PAPPA2: variants seen among roughly 807,000 people sequenced by gnomAD.
PAPPA2 encodes the protein pappalysin 2, also known as pappalysin-2.
In PAPPA2, 86 loss-of-function variants were observed where a neutral mutation model predicts 176.4. The observed-to-expected ratio is 0.49, with a 90% CI of 0.41 to 0.58. PAPPA2 has a LOEUF of 0.58. PAPPA2 is among the 20% of genes least tolerant of loss of function. The pLI, the probability that PAPPA2 is intolerant of heterozygous loss-of-function variation, is 0.00. For missense variants in PAPPA2, 2,073 were observed against 2,256.9 expected, an observed-to-expected ratio of 0.92 and a Z score of 1.65; for synonymous variants, 809 against 852.2, an observed-to-expected ratio of 0.95 and a Z score of 0.88.
chr1:176,567,137 A>G (rs1361493457), intron 2 of PAPPA2, among the ~76,000 whole-genome samples: 2 of 152,152 alleles, frequency 1.3e-5, no homozygotes, highest in African/African-American at 4.8e-5. Flanking sequence ...TTTCTTTCCC[A>G]TGTTTACTAC....
chr1:176,747,436 G>A (rs1662962125), intron 14 of PAPPA2, among the ~76,000 whole-genome samples: 1 of 152,132 alleles, frequency 6.6e-6, no homozygotes. Context: ...GCACAACCCA[G>A]AGGATTTGAA....
At chr1:176,838,090 G>A (rs1021160454) in intron 21 of PAPPA2, among the ~76,000 whole-genome samples, 2 of 152,116 alleles carry the variant, frequency 1.3e-5, no homozygotes, top group Admixed American at 1.3e-4. Context: ...AGAAAAGAAG[G>A]AGCTTTTAGA....
chr1:176,708,831 G>A (rs17354671), intron 10 of PAPPA2, among the ~76,000 whole-genome samples: 74,239 of 151,952 alleles, frequency 0.49, 20,035 homozygotes, highest in African/African-American at 0.71. Context: ...TGAACATGAA[G>A]AAAAGGAAAT....
intron 2 of PAPPA2, among the ~76,000 whole-genome samples, chr1:176,563,319 C>T (rs1412743145): frequency 3.9e-5 from 6 of 152,148 alleles, no homozygotes; most frequent in Non-Finnish European, 7.3e-5. Context: ...ACAGGGCTCC[C>T]TTTCCACCTT....
At chr1:176,768,891 A>G (rs1044067085) in intron 15 of PAPPA2, among the ~76,000 whole-genome samples, 1 of 152,230 alleles carries the variant, frequency 6.6e-6, no homozygotes, top group African/African-American at 2.4e-5. Flanking sequence ...CAGTAGCATT[A>G]TCAGCTGGCT....
At chr1:176,692,058 A>G in intron 5 of PAPPA2, 68 bp from the exon 6 acceptor site, 3 of 1,449,534 alleles carry the variant, frequency 2.1e-6, no homozygotes, top group South Asian at 2.5e-5. Context: ...ACACAAATTT[A>G]TCCCTGCCTT....
At chr1:176,710,942 A>ACTG (rs1661114298) in intron 11 of PAPPA2, among the ~76,000 whole-genome samples, 1 of 152,118 alleles carries the variant, frequency 6.6e-6, no homozygotes, top group South Asian at 2.1e-4. Context: ...CCTGCTCAAA[A>ACTG]CATGGCTGCA....
At chr1:176,586,368 G>A (rs1470128422) in intron 2 of PAPPA2, among the ~76,000 whole-genome samples, 1 of 152,080 alleles carries the variant, frequency 6.6e-6, no homozygotes, top group Non-Finnish European at 1.5e-5. Flanking sequence ...AGAATGTGCA[G>A]GTTTGTTACA....
intron 1 of PAPPA2, among the ~76,000 whole-genome samples, chr1:176,540,968 A>G (rs955025297): frequency 6.6e-6 from 1 of 152,198 alleles, no homozygotes; most frequent in Non-Finnish European, 1.5e-5. Flanking sequence ...GAGGCACATT[A>G]TGTGGCATTT....
Position 176,833,567 on chromosome 1 carries a change from G to C in PAPPA2, c.5203-6606G>C, listed in dbSNP as rs183227691. Among the ~76,000 whole-genome samples the C allele has an allele frequency of 5.5e-4, 84 of 152,220 alleles. 1 individual carries two copies. The East Asian group carries it at 0.011, about 20-fold the overall frequency. ...CTGGTTTACAGTTTCTTTGTTTTTG[G>C]CCTTTGGGAAATGTTCTTTTTCTTC... On this transcript the variant is annotated intron_variant, in intron 21 of 22. Transcript: ENST00000367662.
intron 3 of PAPPA2, among the ~76,000 whole-genome samples, chr1:176,618,342 C>T (rs1655393926): frequency 6.6e-6 from 1 of 152,158 alleles, no homozygotes; most frequent in Non-Finnish European, 1.5e-5. Context: ...AGATCTATGT[C>T]TTATTTTCAG....
intron 14 of PAPPA2, among the ~76,000 whole-genome samples, chr1:176,746,213 G>A (rs1662896811): frequency 6.6e-6 from 1 of 152,196 alleles, no homozygotes; most frequent in Non-Finnish European, 1.5e-5. Flanking sequence ...AGCTGGTAAA[G>A]AGAAATGTTT....
At chr1:176,683,468 A>G (rs778612287) in intron 4 of PAPPA2, among the ~76,000 whole-genome samples, 3 of 152,184 alleles carry the variant, frequency 2.0e-5, no homozygotes, top group Non-Finnish European at 4.4e-5. Context: ...ACATTCAGGT[A>G]TGCAAGAAAT....
chr1:176,624,436 C>T (rs1232650941), intron 3 of PAPPA2, among the ~76,000 whole-genome samples: 5 of 152,248 alleles, frequency 3.3e-5, no homozygotes, highest in South Asian at 2.1e-4. Flanking sequence ...TTCAGGTCAG[C>T]GATAGCATCA....
rs552132501 is a variant in PAPPA2, at chr1:176,597,316, G to A, written c.1991+1721G>A. On this transcript the variant is annotated intron_variant, in intron 3 of 22. Coordinates refer to ENST00000367662, the MANE Select transcript of PAPPA2 (RefSeq NM_020318.3). ...TATTTTGTGAATCAAATGAAATAAAGTATAGGAAAGTAGCTCTAAAGTTTT... is the reference window on the plus strand; with the variant it reads ...TATTTTGTGAATCAAATGAAATAAAATATAGGAAAGTAGCTCTAAAGTTTT... Among the ~76,000 whole-genome samples, 19 of 152,274 alleles carry A rather than the reference G, an allele frequency of 1.2e-4. No individual in the cohort carries two copies. In the South Asian group the frequency reaches 3.9e-3, roughly 32 times the overall value.
In PAPPA2 at chr1:176,816,157, T is replaced by C. The variant is rs1368483261; in HGVS notation, c.5202+16025T>C. On this transcript the variant is annotated intron_variant, in intron 21 of 22. Transcript: ENST00000367662. ...ATTTATTTTCCTTTCACAGTGTATA[T>C]ATATATATATATATATATATATATA... is the stretch of plus-strand genomic sequence containing the variant. Among the ~76,000 whole-genome samples, 370 of 52,100 alleles carry C rather than the reference T, an allele frequency of 7.1e-3. 1 individual carries two copies. The highest frequency in any genetic ancestry group is 0.03 in the African/African-American group (340 of 11,444). The allele number at this position is 52,100 out of a possible 152,430, so 34.2% of individuals were successfully genotyped here. A position where few individuals can be genotyped will look rare whatever the true frequency, so the allele number is the denominator to read the frequency against.
At chr1:176,734,862 G>C (rs72716889) in intron 12 of PAPPA2, among the ~76,000 whole-genome samples, 1 of 152,222 alleles carries the variant, frequency 6.6e-6, no homozygotes, top group Non-Finnish European at 1.5e-5. Context: ...GCTTTTAAAA[G>C]TGTCTGTCAG....
intron 21 of PAPPA2, among the ~76,000 whole-genome samples, chr1:176,813,482 C>G (rs1219253392): frequency 6.6e-6 from 1 of 152,180 alleles, no homozygotes; most frequent in Non-Finnish European, 1.5e-5. Context: ...AATAGCCATT[C>G]TCACTGGCAT....
chr1:176,845,434 C>G lies in PAPPA2; in HGVS notation c.*2980C>G, dbSNP rs147873208. ...TACAAGGCATTGAACTTGGCACTTCCTGTATTCTTTGTGATCACTATTGAG... is the reference window on the plus strand; with the variant it reads ...TACAAGGCATTGAACTTGGCACTTCGTGTATTCTTTGTGATCACTATTGAG... On this transcript the variant is annotated 3_prime_UTR_variant, in exon 23 of 23. Transcript: ENST00000367662. 1 of 152,132 alleles carries G rather than the reference C, an allele frequency of 6.6e-6. No individual in the cohort carries two copies. The highest frequency in any genetic ancestry group is 1.5e-5 in the Non-Finnish European group (1 of 68,018). 9.4% of individuals were successfully genotyped at this position (152,132 alleles called of 1,614,324 possible). A position where few individuals can be genotyped will look rare whatever the true frequency, so the allele number is the denominator to read the frequency against.
Sources: allele counts gnomAD v4.1 joint callset (sites outside exome capture counted in the v4.1 genomes callset), GRCh38; gene constraint gnomAD v4.1.1; transcripts MANE v1.5; gene names NCBI Gene and HGNC (gene_info 2026-07-23, HGNC 2026-07-21).